The following GRM1 variants were observed in gnomAD, a reference collection of about 807,000 sequenced individuals.
GRM1 encodes metabotropic glutamate receptor 1.
In GRM1, 33 loss-of-function variants were observed where a neutral mutation model predicts 90.9. The observed-to-expected ratio is 0.36, with a 90% CI of 0.28 to 0.49. GRM1 has a LOEUF of 0.49. Ranked by LOEUF, GRM1 falls within the 20% of genes least tolerant of loss-of-function variation. The pLI, the probability that GRM1 is intolerant of heterozygous loss-of-function variation, is 0.99. For synonymous variants in GRM1, 700 were observed against 613.2 expected (o/e 1.14, Z -2.09); for missense variants, 1,190 against 1,534.3 (o/e 0.78, Z 3.75).
intron 6 of GRM1, among the ~76,000 whole-genome samples, chr6:146,390,194 A>G (rs1776666734): frequency 6.6e-6 from 1 of 152,188 alleles, no homozygotes; most frequent in East Asian, 1.9e-4. Flanking sequence ...ACTTAAAATC[A>G]CTTTAAAAGT....
chr6:146,156,833 GAC>G (rs1297878891), intron 1 of GRM1, among the ~76,000 whole-genome samples: 4 of 152,204 alleles, frequency 2.6e-5, no homozygotes, highest in Non-Finnish European at 4.4e-5. Context: ...GTGAGAAAAA[GAC>G]AGAAATAAAA....
rs762220591 is a variant in GRM1, at chr6:146,304,746, C to T, written c.1086C>T (p.Asn362=). 14 of 1,613,866 alleles carry T rather than the reference C, an allele frequency of 8.7e-6. No homozygotes were observed. The highest frequency in any genetic ancestry group is 1.2e-5 in the Non-Finnish European group (14 of 1,179,920). The change falls in exon 3 of 8, where the codon AAC becomes AAT. Residue 362 remains asparagine, a synonymous_variant. Coordinates refer to ENST00000282753, the MANE Select transcript of GRM1 (RefSeq NM_001278064.2). ...TCCTGAAACTGAGGCTGGACACTAA[C>T]ACGAGGAATCCCTGGTTCCCTGAGT... is the stretch of plus-strand genomic sequence containing the variant. ...DYFLKLRLDT[N]TRNPWFPEFW...
intron 1 of GRM1, among the ~76,000 whole-genome samples, chr6:146,064,086 T>C (rs753354856): frequency 2.0e-5 from 3 of 152,184 alleles, no homozygotes; most frequent in Non-Finnish European, 2.9e-5. Flanking sequence ...AATTAGCATG[T>C]TAGTTTGCAA....
intron 2 of GRM1, among the ~76,000 whole-genome samples, chr6:146,217,449 G>A (rs937612860): frequency 6.6e-6 from 1 of 152,174 alleles, no homozygotes; most frequent in Non-Finnish European, 1.5e-5. Flanking sequence ...GTTCAACAGA[G>A]GGCTGAATTA....
intron 1 of GRM1, among the ~76,000 whole-genome samples, chr6:146,153,216 A>T (rs1240487754): frequency 6.6e-6 from 1 of 152,194 alleles, no homozygotes; most frequent in Non-Finnish European, 1.5e-5. Context: ...CCTCTATTAG[A>T]TACTTGCAGT....
intron 2 of GRM1, among the ~76,000 whole-genome samples, chr6:146,165,832 G>T (rs927903359): frequency 2.0e-5 from 3 of 151,946 alleles, no homozygotes; most frequent in South Asian, 2.1e-4. Context: ...ATACAGAATT[G>T]GTCAGGATTT....
intron 1 of GRM1, among the ~76,000 whole-genome samples, chr6:146,108,053 T>A (rs1258409798): frequency 6.6e-6 from 1 of 152,228 alleles, no homozygotes; most frequent in East Asian, 1.9e-4. Flanking sequence ...TAAATATATG[T>A]GAGAATTTCT....
chr6:146,161,763 G>T (rs190198013), intron 2 of GRM1, among the ~76,000 whole-genome samples: 11 of 152,286 alleles, frequency 7.2e-5, no homozygotes, highest in Non-Finnish European at 1.2e-4. Flanking sequence ...TATCAAAATG[G>T]TGTTGGCGTT....
chr6:146,216,911 C>A (rs1779890859), intron 2 of GRM1, among the ~76,000 whole-genome samples: 1 of 152,162 alleles, frequency 6.6e-6, no homozygotes, highest in South Asian at 2.1e-4. Flanking sequence ...GTTTCTAAGG[C>A]ATCTTTCCAG....
intron 2 of GRM1, among the ~76,000 whole-genome samples, chr6:146,250,515 C>T (rs1478541131): frequency 1.3e-5 from 2 of 152,166 alleles, no homozygotes; most frequent in African/African-American, 4.8e-5. Flanking sequence ...TCCTCTTTGC[C>T]TTCCACCATG....
Position 146,167,605 on chromosome 6 carries a change from CT to C in GRM1, c.950+8011del, listed in dbSNP as rs541829795. On this transcript the variant is annotated intron_variant, in intron 2 of 7. Transcript: ENST00000282753. ...TTCCAGTGGGTGTATCGTGGCATCT[CT>C]TTGTGGTTTTAATTTGCATTTTCCT... is the stretch of plus-strand genomic sequence containing the variant. Among the ~76,000 whole-genome samples, 312 of 152,162 alleles carry C rather than the reference CT, an allele frequency of 2.1e-3. 2 individuals carry two copies. Among genetic ancestry groups the C allele is most frequent in the African/African-American group, 7.3e-3 (301 of 41,516 alleles).
chr6:146,259,319 T>C (rs2114786236), intron 2 of GRM1, among the ~76,000 whole-genome samples: 1 of 152,322 alleles, frequency 6.6e-6, no homozygotes, highest in East Asian at 1.9e-4. Context: ...GTAAGAATAC[T>C]TAAAATAAGA....
chr6:146,246,125 A>T (rs1301143335), intron 2 of GRM1, among the ~76,000 whole-genome samples: 1 of 152,206 alleles, frequency 6.6e-6, no homozygotes, highest in Non-Finnish European at 1.5e-5. Context: ...TTTGTGCTTG[A>T]AGTCTTGGCC....
rs71028383 is a variant in GRM1 at position 146,235,701 on chromosome 6, C to CGTGTGTGTGTGT, written c.951-68877_951-68866dup. 6.6e-3 allele frequency among the ~76,000 whole-genome samples: 683 copies of CGTGTGTGTGTGT among 102,832 alleles called. 13 individuals carry two copies. Among genetic ancestry groups the CGTGTGTGTGTGT allele is most frequent in the African/African-American group, 0.022 (642 of 28,646 alleles). The allele number at this position is 102,832 out of a possible 152,430, so 67.5% of individuals were successfully genotyped here. On this transcript the variant is annotated intron_variant, in intron 2 of 7. Transcript: ENST00000282753. ...TCAAAGACATTTTCATCTCTGTTAC[C>CGTGTGTGTGTGT]GTGTGTGTGTGTGTGTGTGTGTGTG...
At chr6:146,376,776 A>C (rs960798671) in intron 5 of GRM1, among the ~76,000 whole-genome samples, 1 of 152,136 alleles carries the variant, frequency 6.6e-6, no homozygotes, top group African/African-American at 2.4e-5. Context: ...CAAACTGCTC[A>C]GAGTTCTATA....
In GRM1 at chr6:146,389,077, C is replaced by G. The variant is rs190524026; in HGVS notation, c.1729+2061C>G. ...TATTTCTCTTCAAATTTGTATCCTACTTCATGGTGTGTGCCTCCTGCCAGG... is the reference window on the plus strand; with the variant it reads ...TATTTCTCTTCAAATTTGTATCCTAGTTCATGGTGTGTGCCTCCTGCCAGG... On this transcript the variant is annotated intron_variant, in intron 6 of 7. Transcript: ENST00000282753. 2.3e-3 allele frequency among the ~76,000 whole-genome samples: 344 copies of G among 152,110 alleles called. 1 individual carries two copies. Among genetic ancestry groups the G allele is most frequent in the Non-Finnish European group, 1.4e-3 (95 of 67,964 alleles).
At chr6:146,195,998 G>C (rs1412112245) in intron 2 of GRM1, among the ~76,000 whole-genome samples, 2 of 152,268 alleles carry the variant, frequency 1.3e-5, no homozygotes, top group South Asian at 2.1e-4. Context: ...TACAGTCTTA[G>C]CATTTTGTTC....
rs1314571344 is a variant in GRM1, at chr6:146,270,207, G to T, written c.951-34404G>T. Among the ~76,000 whole-genome samples, 4 of 152,082 alleles carry T rather than the reference G, an allele frequency of 2.6e-5. No homozygotes were observed. In the East Asian group the frequency reaches 7.7e-4, roughly 29 times the overall value. On this transcript the variant is annotated intron_variant, in intron 2 of 7. Transcript: ENST00000282753. ...GAGAGAGAGTGTATAAGCAAACAAG[G>T]CACTTGTGATAATTATTTCCTTAAA...
chr6:146,188,246 A>C (rs1055134925), intron 2 of GRM1, among the ~76,000 whole-genome samples: 11 of 152,088 alleles, frequency 7.2e-5, no homozygotes, highest in Non-Finnish European at 2.9e-5. Context: ...CCTACCGTTA[A>C]ATCATTCTGT....
Sources: allele counts gnomAD v4.1 joint callset (sites outside exome capture counted in the v4.1 genomes callset), GRCh38; gene constraint gnomAD v4.1.1; transcripts MANE v1.5; gene names NCBI Gene and HGNC (gene_info 2026-07-23, HGNC 2026-07-21).